EDA2R: variants seen among roughly 807,000 people sequenced by gnomAD.
EDA2R encodes tumor necrosis factor receptor superfamily member 27.
Under a neutral mutation model 20.1 loss-of-function variants are expected in EDA2R, and 26 were observed. The observed-to-expected ratio is 1.30, with a 90% CI of 0.95 to 1.80. EDA2R has a LOEUF of 1.80. Among genes scored for constraint, EDA2R ranks in the 40% most tolerant of loss-of-function variants. EDA2R has a pLI of 0.00. For missense variants in EDA2R, 277 were observed against 228.7 expected (o/e 1.21, Z -1.36); for synonymous variants, 114 against 88.7 (o/e 1.29, Z -1.60).
At chrX:66,628,752 T>C (rs1933405690) in intron 1 of EDA2R, among the ~76,000 whole-genome samples, 1 of 109,363 alleles carries the variant, frequency 9.1e-6, no homozygotes, top group African/African-American at 3.3e-5. Flanking sequence ...AACTGATTTC[T>C]AGAAGACATT....
intron 1 of EDA2R, among the ~76,000 whole-genome samples, chrX:66,621,904 A>C (rs1291509271): frequency 8.9e-6 from 1 of 112,415 alleles, no homozygotes; most frequent in African/African-American, 3.2e-5. Flanking sequence ...TATGTGAATT[A>C]TATCTCATTT....
chrX:66,617,031 A>G (rs1354105433), intron 1 of EDA2R, among the ~76,000 whole-genome samples: 2 of 112,113 alleles, frequency 1.8e-5, no homozygotes, highest in Non-Finnish European at 3.8e-5. Flanking sequence ...TAATTCATAA[A>G]TGGGGCTTAT....
chrX:66,612,993 C>G (rs1931040531), intron 2 of EDA2R, among the ~76,000 whole-genome samples: 1 of 111,101 alleles, frequency 9.0e-6, no homozygotes. Flanking sequence ...TAGCACAATG[C>G]TGATCCAAAA....
intron 2 of EDA2R, among the ~76,000 whole-genome samples, chrX:66,608,132 C>T (rs921123215): frequency 2.7e-5 from 3 of 111,280 alleles, no homozygotes; most frequent in Middle Eastern, 4.7e-3. Context: ...ATGAGCAAAC[C>T]TGAATGTAGG....
chrX:66,633,554 G>A (rs1934043830), intron 1 of EDA2R, among the ~76,000 whole-genome samples: 1 of 111,165 alleles, frequency 9.0e-6, no homozygotes, highest in South Asian at 3.9e-4. Flanking sequence ...CGTATGTGAG[G>A]AGTTGCTATG....
intron 1 of EDA2R, among the ~76,000 whole-genome samples, chrX:66,629,047 A>C (rs1366849931): frequency 8.9e-6 from 1 of 112,149 alleles, no homozygotes; most frequent in Admixed American, 9.5e-5. Context: ...TACACAAGGC[A>C]ATAAATGTGA....
At chrX:66,624,955 C>G (rs1932922284) in intron 1 of EDA2R, among the ~76,000 whole-genome samples, 1 of 111,696 alleles carries the variant, frequency 9.0e-6, no homozygotes, top group Admixed American at 9.5e-5. Flanking sequence ...TCTGACTTTA[C>G]CTGGAGCTGA....
intron 2 of EDA2R, among the ~76,000 whole-genome samples, chrX:66,615,631 G>A (rs1931539894): frequency 9.0e-6 from 1 of 111,341 alleles, no homozygotes; most frequent in Admixed American, 9.6e-5. Flanking sequence ...ACACCATGTG[G>A]TTGGGCCTTG....
intron 1 of EDA2R, among the ~76,000 whole-genome samples, chrX:66,621,522 G>A (rs1214038822): frequency 8.9e-6 from 1 of 112,109 alleles, no homozygotes; most frequent in Non-Finnish European, 1.9e-5. Flanking sequence ...ACTGATAAAT[G>A]GTAAACAAAA....
chrX:66,611,093 T>C (rs1930662077), intron 2 of EDA2R, among the ~76,000 whole-genome samples: 1 of 111,713 alleles, frequency 9.0e-6, no homozygotes, highest in South Asian at 3.7e-4. Flanking sequence ...AAATCGTCTA[T>C]ACCTGAGGCA....
chrX:66,617,502 T>C (rs1931917498), intron 1 of EDA2R, among the ~76,000 whole-genome samples: 1 of 111,682 alleles, frequency 9.0e-6, no homozygotes, highest in South Asian at 3.8e-4. Context: ...AGCACCACAG[T>C]AACAGGGCCA....
intron 4 of EDA2R, 37 bp from the exon 5 acceptor site, chrX:66,602,834 G>C (rs1161994604): frequency 5.3e-6 from 6 of 1,129,851 alleles, no homozygotes; most frequent in Admixed American, 2.7e-5. Context: ...CAGTTAGCAT[G>C]GGCAGTAAAC....
intron 1 of EDA2R, among the ~76,000 whole-genome samples, chrX:66,619,726 C>T (rs965073560): frequency 1.2e-4 from 13 of 111,217 alleles, no homozygotes; most frequent in African/African-American, 4.3e-4. Context: ...TGAAATACTT[C>T]CTCCAACTTC....
upstream of EDA2R, chrX:66,639,215 C>A (rs1459393773): frequency 9.9e-6 from 1 of 100,683 alleles, no homozygotes; most frequent in East Asian, 3.3e-4. Flanking sequence ...TATGAAATTC[C>A]TTGTAATCAA....
intron 2 of EDA2R, among the ~76,000 whole-genome samples, chrX:66,614,790 A>G (rs989217957): frequency 1.8e-5 from 2 of 111,890 alleles, no homozygotes; most frequent in African/African-American, 6.5e-5. Context: ...AAAACCCTCC[A>G]AAGAGCTCCT....
In EDA2R at chrX:66,637,604, C is replaced by T. The variant is rs890953885; in HGVS notation, c.-11+1391G>A. Reference sequence around the variant, plus strand: ...CTCAGCTGGTGTTCTTTTCATATGCCCTGAGCTTCCCTGCCTTAAAGCAGT... The same window carrying T: ...CTCAGCTGGTGTTCTTTTCATATGCTCTGAGCTTCCCTGCCTTAAAGCAGT... On this transcript the variant is annotated intron_variant, in intron 1 of 6. Transcript: ENST00000374719. Among the ~76,000 whole-genome samples, 7 of 112,366 alleles carry T rather than the reference C, an allele frequency of 6.2e-5. No homozygotes were observed. The East Asian group carries it at 8.3e-4, about 13-fold the overall frequency.
At chrX:66,629,309 C>G (rs766011734) in intron 1 of EDA2R, among the ~76,000 whole-genome samples, 1 of 111,664 alleles carries the variant, frequency 9.0e-6, no homozygotes, top group South Asian at 3.8e-4. Flanking sequence ...CTCACCACTC[C>G]TCTTCAACAT....
At chrX:66,602,914 G>C (rs997535880) in intron 4 of EDA2R, 117 bp from the exon 5 acceptor site, 2 of 663,272 alleles carry the variant, frequency 3.0e-6, no homozygotes, top group Non-Finnish European at 4.3e-6. Context: ...CCCCAATTAG[G>C]GTGGCTATGC....
Position 66,599,644 on chromosome X carries a change from G to T in EDA2R, c.734C>A (p.Ser245Tyr). 5 of 1,207,224 alleles carry T rather than the reference G, an allele frequency of 4.1e-6. No individual in the cohort carries two copies. Among genetic ancestry groups the T allele is most frequent in the Non-Finnish European group, 5.6e-6 (5 of 893,457 alleles). Residue 245 changes from serine to tyrosine, a missense_variant, in exon 6 of 7, where the codon TCC becomes TAC. By Grantham distance (144) the Ser-to-Tyr change is moderately radical (BLOSUM62 -2). Transcript: ENST00000374719. ...TMASCTSESH[S>Y]HWVHSPIECT... Reference sequence around the variant, plus strand: ...TTCGATGGGGCTGTGGACCCAGTGGGAGTGGCTCTCTGAGGTGCAGGAGGC... The same window carrying T: ...TTCGATGGGGCTGTGGACCCAGTGGTAGTGGCTCTCTGAGGTGCAGGAGGC...
Sources: gnomAD v4.1 joint callset for allele counts (sites outside exome capture counted in the v4.1 genomes callset) on GRCh38, gnomAD v4.1.1 for gene constraint, MANE v1.5 for transcripts, NCBI Gene and HGNC (gene_info 2026-07-23, HGNC 2026-07-21) for gene names.